PACS2: variants seen among roughly 807,000 people sequenced by gnomAD.
The protein encoded by PACS2 is phosphofurin acidic cluster sorting protein 2.
Under a neutral mutation model 113.0 loss-of-function variants are expected in PACS2, and 36 were observed. The observed-to-expected ratio is 0.32, with a 90% confidence interval of 0.24 to 0.42. The LOEUF (loss-of-function observed/expected upper bound fraction) is 0.42, where lower values mean the gene tolerates loss of function less well. Among genes scored for constraint, PACS2 ranks in the 10% least tolerant of loss-of-function variants. PACS2 has a pLI of 1.00. For synonymous variants in PACS2, 589 were observed against 536.1 expected, an observed-to-expected ratio of 1.10 and a Z score of -1.36; for missense variants, 1,015 against 1,239.5, an observed-to-expected ratio of 0.82 and a Z score of 2.72.
intron 1 of PACS2, among the ~76,000 whole-genome samples, chr14:105,308,066 T>G (rs747501628): frequency 1.3e-5 from 2 of 151,930 alleles, no homozygotes; most frequent in Non-Finnish European, 2.9e-5. Context: ...TGCCTCTAGT[T>G]CAGCTACTTG....
chr14:105,373,209 T>C (rs2061223977), intron 8 of PACS2, among the ~76,000 whole-genome samples: 1 of 152,236 alleles, frequency 6.6e-6, no homozygotes, highest in Non-Finnish European at 1.5e-5. Flanking sequence ...CCCAGCTGTG[T>C]TTTTGTAGAA....
At chr14:105,327,060 G>A (rs1196776063) in intron 1 of PACS2, among the ~76,000 whole-genome samples, 4 of 152,226 alleles carry the variant, frequency 2.6e-5, no homozygotes, top group Non-Finnish European at 4.4e-5. Flanking sequence ...GGAGCTGAGC[G>A]TGGCTTATGT....
intron 23 of PACS2, 122 bp downstream of exon 23, chr14:105,392,967 C>A: frequency 1.3e-6 from 1 of 774,904 alleles, no homozygotes; most frequent in Non-Finnish European, 2.1e-6. Flanking sequence ...CATGCGCAGG[C>A]AGGGGCGGGT....
chr14:105,391,185 G>C (rs1489205264), intron 20 of PACS2, 22 bp from the exon 21 acceptor site: 2 of 1,604,758 alleles, frequency 1.2e-6, no homozygotes, highest in Non-Finnish European at 1.7e-6. Flanking sequence ...GCTTTCACCA[G>C]CCAGTGCCTG....
Position 105,348,696 on chromosome 14 carries a change from C to A in PACS2, c.207+116C>A. Reference sequence around the variant, plus strand: ...GCCTTGTGCCAAAACAGCGGGCAGCCCATGCCATCTCCGGGAGCCCGGGGG... The same window carrying A: ...GCCTTGTGCCAAAACAGCGGGCAGCACATGCCATCTCCGGGAGCCCGGGGG... On this transcript the variant is annotated intron_variant, in intron 2 of 24. Transcript: ENST00000447393. This position sits in a 1 kb window ranked among gnomAD's most constrained non-coding sequence, Gnocchi z 6.4. 1.3e-6 allele frequency: 1 copy of A among 781,386 alleles called. No individual in the cohort carries two copies. Among genetic ancestry groups the A allele is most frequent in the Non-Finnish European group, 2.2e-6 (1 of 455,248 alleles). 48.4% of individuals were successfully genotyped at this position (781,386 alleles called of 1,614,324 possible).
chr14:105,360,836 C>T (rs111360378), intron 4 of PACS2, among the ~76,000 whole-genome samples: 3,282 of 152,316 alleles, frequency 0.022, 64 homozygotes, highest in Non-Finnish European at 0.028. Flanking sequence ...CCCGTTGCTG[C>T]GTTACTAACC....
In PACS2 at chr14:105,396,013, G is replaced by A. The variant is rs1555416541; in HGVS notation, c.*1341G>A. On this transcript the variant is annotated 3_prime_UTR_variant, in exon 25 of 25. Transcript: ENST00000447393. The stretch of plus-strand genomic sequence containing the variant: ...GCAAACGCAGGGCAGGGTGGGCCTC[G>A]AGCCGGGGCTGGAGGGGTCTCCACC... 2.0e-5 allele frequency: 3 copies of A among 152,220 alleles called. No individual in the cohort carries two copies. The highest frequency in any genetic ancestry group is 2.9e-5 in the Non-Finnish European group (2 of 68,044). The allele number at this position is 152,220 out of a possible 1,614,324, so 9.4% of individuals were successfully genotyped here.
intron 1 of PACS2, among the ~76,000 whole-genome samples, chr14:105,304,794 A>T (rs2058136932): frequency 6.6e-6 from 1 of 152,062 alleles, no homozygotes; most frequent in South Asian, 2.1e-4. Context: ...GGCAGCAGGG[A>T]GAGAGAGAGC....
intron 1 of PACS2, among the ~76,000 whole-genome samples, chr14:105,328,498 CAG>C (rs1031597359): frequency 2.0e-5 from 3 of 152,216 alleles, no homozygotes; most frequent in Non-Finnish European, 4.4e-5. Context: ...CCATAGAGAA[CAG>C]GGGCCCAGAG....
In PACS2 at chr14:105,356,757, C is replaced by T. The variant is rs1015714406; in HGVS notation, c.423+1580C>T. On this transcript the variant is annotated intron_variant, in intron 4 of 24. Transcript: ENST00000447393. This position sits in a 1 kb window ranked among gnomAD's most constrained non-coding sequence, Gnocchi z 4.0. Reference sequence around the variant, plus strand: ...GATCCCTGCCGGTCCCTGTGTTTCCCATTAGCCATGCAGGCGAGGTCCTGC... The same window carrying T: ...GATCCCTGCCGGTCCCTGTGTTTCCTATTAGCCATGCAGGCGAGGTCCTGC... Among the ~76,000 whole-genome samples the T allele has an allele frequency of 6.7e-6, 1 of 149,720 alleles. No individual in the cohort carries two copies. The highest frequency in any genetic ancestry group is 6.6e-5 in the Admixed American group (1 of 15,100).
Position 105,376,636 on chromosome 14 carries a change from G to T in PACS2, c.802-132G>T, listed in dbSNP as rs1260893481. 45 of 738,546 alleles carry T rather than the reference G, an allele frequency of 6.1e-5. 1 individual carries two copies. The Admixed American group carries it at 1.2e-3, about 19-fold the overall frequency. 45.7% of individuals were successfully genotyped at this position (738,546 alleles called of 1,614,324 possible). ...CCAAGACAGAAGCTGGACTACAGCC[G>T]TGCTGAGTGGAGGGGTTTGGTGGCT... On this transcript the variant is annotated intron_variant, in intron 8 of 24. Coordinates refer to ENST00000447393, the MANE Select transcript of PACS2 (RefSeq NM_001100913.3). The surrounding 1 kb of genome is among the most constrained non-coding windows in gnomAD (Gnocchi z 4.7).
chr14:105,301,990 T>A (rs1347404141), intron 1 of PACS2, among the ~76,000 whole-genome samples: 1 of 151,974 alleles, frequency 6.6e-6, no homozygotes, highest in South Asian at 2.1e-4. Flanking sequence ...TACAAAAAAA[T>A]TAGCCAGGCT....
chr14:105,374,275 T>A (rs187097069), intron 8 of PACS2, among the ~76,000 whole-genome samples: 58 of 152,214 alleles, frequency 3.8e-4, no homozygotes, highest in Non-Finnish European at 3.4e-4. Context: ...GTTTCTTAGA[T>A]GTGACATCAA....
At chr14:105,388,362 G>T (rs1383805602) in intron 19 of PACS2, among the ~76,000 whole-genome samples, 8 of 152,214 alleles carry the variant, frequency 5.3e-5, no homozygotes, top group African/African-American at 1.9e-4. Context: ...CCGGCTGCCG[G>T]GCAGAGGCTG....
intron 9 of PACS2, 88 bp from the exon 10 acceptor site, chr14:105,379,651 C>T (rs1361980146): frequency 2.4e-5 from 26 of 1,068,330 alleles, no homozygotes; most frequent in South Asian, 2.4e-4. Flanking sequence ...TGCAGTCTGT[C>T]CCTCCAGGTG....
intron 8 of PACS2, chr14:105,374,666 T>G (rs2061279980): frequency 6.6e-6 from 1 of 152,160 alleles, no homozygotes; most frequent in African/African-American, 2.4e-5. Flanking sequence ...CGTGGAGTGA[T>G]TCCTTGAATT....
At chr14:105,362,031 G>A (rs2060704727) in intron 4 of PACS2, among the ~76,000 whole-genome samples, 1 of 151,774 alleles carries the variant, frequency 6.6e-6, no homozygotes, top group Non-Finnish European at 1.5e-5. Context: ...GCTGAGGCAG[G>A]AGAATTGCTT....
chr14:105,345,479 C>T (rs755135623), intron 1 of PACS2, among the ~76,000 whole-genome samples: 173 of 152,318 alleles, frequency 1.1e-3, no homozygotes, highest in Non-Finnish European at 1.8e-3. Context: ...GCACTTAATG[C>T]TATAAATTCT....
Position 105,367,378 on chromosome 14 carries a change from G to A in PACS2, c.586+3G>A, listed in dbSNP as rs2060976525. 1.2e-6 allele frequency: 2 copies of A among 1,612,734 alleles called. No individual in the cohort carries two copies. Among genetic ancestry groups the A allele is most frequent in the East Asian group, 4.5e-5 (2 of 44,876 alleles). On this transcript the variant is annotated splice_donor_region_variant and intron_variant, in intron 5 of 24. Transcript: ENST00000447393. ...CGGCCCCAAGGCCAAGTCCACGGGTGAGTGTGGTGCCAGCCCGCTCCTGCC... is the reference window on the plus strand; with the variant it reads ...CGGCCCCAAGGCCAAGTCCACGGGTAAGTGTGGTGCCAGCCCGCTCCTGCC...
Sources: gnomAD v4.1 joint callset for allele counts (sites outside exome capture counted in the v4.1 genomes callset) on GRCh38, gnomAD v4.1.1 for gene constraint, Gnocchi (gnomAD v3.1) non-coding constraint, MANE v1.5 for transcripts, NCBI Gene and HGNC (gene_info 2026-07-23, HGNC 2026-07-21) for gene names.